The following ELF1 variants were observed in gnomAD, a reference collection of about 807,000 sequenced individuals.
ELF1 encodes ETS-related transcription factor Elf-1.
Under a neutral mutation model 59.9 loss-of-function variants are expected in ELF1, and 24 were observed. The observed-to-expected ratio is 0.40, with a 90% confidence interval of 0.29 to 0.56. ELF1 has a LOEUF of 0.56. Among genes scored for constraint, ELF1 ranks in the 20% least tolerant of loss-of-function variants. The pLI is 0.44. For missense variants in ELF1, 627 were observed against 742.2 expected, an observed-to-expected ratio of 0.84 and a Z score of 1.80; for synonymous variants, 248 against 266.2, an observed-to-expected ratio of 0.93 and a Z score of 0.67.
In ELF1 at chr13:40,932,230, TTG is replaced by T. The variant is rs1416690582; in HGVS notation, c.*1193_*1194del. On this transcript the variant is annotated 3_prime_UTR_variant, in exon 9 of 9. Coordinates refer to ENST00000239882, the MANE Select transcript of ELF1 (RefSeq NM_172373.4). ...AAAATTTGCAGAAGACATTTTTTTC[TTG>T]TGACATTAAATGTACATTATTTACA... The T allele has an allele frequency of 1.3e-5, 2 of 152,220 alleles. No individual in the cohort carries two copies. The highest frequency in any genetic ancestry group is 4.8e-5 in the African/African-American group (2 of 41,428). 9.4% of individuals were successfully genotyped at this position (152,220 alleles called of 1,614,324 possible). A position where few individuals can be genotyped will look rare whatever the true frequency, so the allele number is the denominator to read the frequency against.
chr13:40,951,504 G>A (rs774195545), intron 3 of ELF1, 68 bp from the exon 4 acceptor site: 179 of 1,210,684 alleles, frequency 1.5e-4, no homozygotes, highest in Non-Finnish European at 2.0e-4. Flanking sequence ...GTCATACACC[G>A]CTTATCTCTA....
chr13:40,980,629 G>C lies in ELF1; in HGVS notation c.72+1354C>G, dbSNP rs531080049. 2.6e-5 allele frequency among the ~76,000 whole-genome samples: 4 copies of C among 152,158 alleles called. No individual in the cohort carries two copies. The East Asian group carries it at 7.7e-4, about 29-fold the overall frequency. The stretch of plus-strand genomic sequence containing the variant: ...TATAACTAGAGCATATTAGTGAGTG[G>C]CTTAGGGCTTTGTCCTCTGCTGCTA... On this transcript the variant is annotated intron_variant, in intron 2 of 8. Transcript: ENST00000239882.
intron 8 of ELF1, 44 bp downstream of exon 8, chr13:40,940,877 G>T (rs762789931): frequency 7.8e-6 from 12 of 1,542,344 alleles, no homozygotes; most frequent in Non-Finnish European, 9.6e-6. Flanking sequence ...TCTCTGGTCA[G>T]AAACATATTG....
intron 2 of ELF1, among the ~76,000 whole-genome samples, chr13:40,967,674 T>G (rs1872267221): frequency 6.6e-6 from 1 of 152,052 alleles, no homozygotes; most frequent in Non-Finnish European, 1.5e-5. Context: ...TCACTGCATC[T>G]GTGAACTCCT....
chr13:40,936,433 G>A (rs943869591), intron 8 of ELF1, among the ~76,000 whole-genome samples: 12 of 151,992 alleles, frequency 7.9e-5, no homozygotes, highest in African/African-American at 2.9e-4. Context: ...CTAGGACTTC[G>A]CTGCTTCTGT....
intron 1 of ELF1, among the ~76,000 whole-genome samples, chr13:41,026,752 G>A (rs774480895): frequency 1.1e-4 from 16 of 152,296 alleles, no homozygotes; most frequent in African/African-American, 1.9e-4. Context: ...AAAGCTGGGC[G>A]TGCATAGCAC....
rs1400379825 is a variant in ELF1 at position 41,034,789 on chromosome 13, T to TGAA, written c.-229+26048_-229+26049insTTC. Among the ~76,000 whole-genome samples, 14 of 119,196 alleles carry TGAA rather than the reference T, an allele frequency of 1.2e-4. No individual in the cohort carries two copies. In the East Asian group the frequency reaches 3.6e-3, roughly 31 times the overall value. The allele number at this position is 119,196 out of a possible 152,430, so 78.2% of individuals were successfully genotyped here. On this transcript the variant is annotated intron_variant, in intron 1 of 1. Coordinates refer to the ELF1 transcript ENST00000405737. ...CAAATTCTACCCCTTAATATTCCTA[T>TGAA]TAAAAAAAAAAAAAAAAAAACCTTC...
At chr13:40,954,342 G>A (rs190081565) in intron 3 of ELF1, among the ~76,000 whole-genome samples, 7 of 152,240 alleles carry the variant, frequency 4.6e-5, no homozygotes, top group East Asian at 1.9e-4. Flanking sequence ...TGACCGGATC[G>A]TGGAGATGGA....
chr13:41,014,587 T>C (rs951813918), intron 1 of ELF1, among the ~76,000 whole-genome samples: 4 of 152,148 alleles, frequency 2.6e-5, no homozygotes, highest in African/African-American at 9.6e-5. Context: ...CTTTTGTAGG[T>C]TCTCCATACT....
intron 1 of ELF1, among the ~76,000 whole-genome samples, chr13:40,984,807 A>G (rs927010088): frequency 2.0e-5 from 3 of 152,212 alleles, no homozygotes; most frequent in African/African-American, 7.2e-5. Context: ...ACATTGTGCC[A>G]ATGGCCAGTG....
chr13:41,018,082 T>G (rs147173702), intron 1 of ELF1, among the ~76,000 whole-genome samples: 1 of 152,340 alleles, frequency 6.6e-6, no homozygotes, highest in East Asian at 1.9e-4. Context: ...AGTAAGTGCA[T>G]AGCAAATTCT....
In ELF1 at chr13:40,943,881, G is replaced by T. The variant is rs1347773101; in HGVS notation, c.574C>A (p.Pro192Thr). The T allele has an allele frequency of 1.9e-6, 3 of 1,613,654 alleles. No individual in the cohort carries two copies. The South Asian group carries it at 3.3e-5, about 18-fold the overall frequency. Residue 192 changes from proline (P) to threonine (T), a missense_variant, in exon 6 of 9, where the codon CCA (proline) becomes ACA (threonine). By Grantham distance (38) the Pro-to-Thr change is conservative (BLOSUM62 -1). Transcript: ENST00000239882. ...TTTTTCTTCTTCACAGATATATTTGGCGTAGTGGCTGGGGAATCTGGTCGT... is the reference window on the plus strand; with the variant it reads ...TTTTTCTTCTTCACAGATATATTTGTCGTAGTGGCTGGGGAATCTGGTCGT... ...PPRPDSPATTPNISVKKKNKD... is the reference protein window; with the variant it reads ...PPRPDSPATTTNISVKKKNKD...
Position 41,024,632 on chromosome 13 carries a change from C to T in ELF1, c.-229+36206G>A, listed in dbSNP as rs1357342140. Among the ~76,000 whole-genome samples the T allele has an allele frequency of 3.3e-5, 5 of 152,252 alleles. No individual in the cohort carries two copies. In the East Asian group the frequency reaches 9.6e-4, roughly 29 times the overall value. On this transcript the variant is annotated intron_variant, in intron 1 of 1. Transcript: ENST00000405737. ...GCTCAAGCGATCCGCCTGCCTCGGC[C>T]TCCCAATGTGCTTGGATTACAGGCA...
intron 1 of ELF1, among the ~76,000 whole-genome samples, chr13:41,048,233 C>G (rs188011951): frequency 2.0e-5 from 3 of 152,214 alleles, no homozygotes; most frequent in African/African-American, 7.2e-5. Context: ...CCAGGTGAGG[C>G]GATGCCTCGC....
chr13:41,007,958 G>A (rs1045290071), intron 1 of ELF1, among the ~76,000 whole-genome samples: 2 of 152,138 alleles, frequency 1.3e-5, no homozygotes, highest in African/African-American at 2.4e-5. Flanking sequence ...ATGAAACTGC[G>A]AGTGCCTCTG....
At chr13:41,043,174 G>A (rs1322448028) in intron 1 of ELF1, among the ~76,000 whole-genome samples, 2 of 152,076 alleles carry the variant, frequency 1.3e-5, no homozygotes, top group African/African-American at 4.8e-5. Flanking sequence ...TTGTAAATTT[G>A]TTTGAGTTCT....
intron 1 of ELF1, among the ~76,000 whole-genome samples, chr13:41,010,465 C>CA (rs1355077016): frequency 7.0e-6 from 1 of 143,832 alleles, no homozygotes. Flanking sequence ...CCCACCCCCC[C>CA]AAAAAAATAC....
chr13:40,966,973 C>T (rs1872215004), intron 2 of ELF1, among the ~76,000 whole-genome samples: 1 of 152,158 alleles, frequency 6.6e-6, no homozygotes, highest in African/African-American at 2.4e-5. Context: ...GGGTCTGGTG[C>T]CTTACTCCTC....
At position 40,933,034 on chromosome 13, in the gene ELF1, A is replaced by G. The variant is rs944732345; in HGVS notation, c.*391T>C. ...TTGAAAGAGTCAAGACTTAACTTAC[A>G]CAAGTGGAATGAAAATAGTTCCTAT... On this transcript the variant is annotated 3_prime_UTR_variant, in exon 9 of 9. Coordinates refer to ENST00000239882, the MANE Select transcript of ELF1 (RefSeq NM_172373.4). The G allele has an allele frequency of 1.7e-5, 3 of 175,056 alleles. No individual in the cohort carries two copies. The highest frequency in any genetic ancestry group is 3.6e-5 in the Non-Finnish European group (3 of 82,754). 10.8% of individuals were successfully genotyped at this position (175,056 alleles called of 1,614,324 possible).
Sources: allele counts gnomAD v4.1 joint callset (sites outside exome capture counted in the v4.1 genomes callset), GRCh38; gene constraint gnomAD v4.1.1; transcripts MANE v1.5; gene names NCBI Gene and HGNC (gene_info 2026-07-23, HGNC 2026-07-21).